The following FAM107B variants were observed in gnomAD, a reference collection of about 807,000 sequenced individuals.
The protein encoded by FAM107B is family with sequence similarity 107 member B, also known as protein FAM107B.
Under a neutral mutation model 31.5 loss-of-function variants are expected in FAM107B, and 21 were observed. The observed-to-expected ratio is 0.67, with a 90% confidence interval of 0.47 to 0.96. The LOEUF is 0.96. Ranked by LOEUF, FAM107B falls within the 40% of genes least tolerant of loss-of-function variation. The pLI is 0.00. For synonymous variants in FAM107B, 157 were observed against 141.5 expected, an observed-to-expected ratio of 1.11 and a Z score of -0.78; for missense variants, 452 against 377.1, an observed-to-expected ratio of 1.20 and a Z score of -1.64.
At chr10:14,528,652 C>T (rs987133880) in intron 3 of FAM107B, among the ~76,000 whole-genome samples, 1 of 152,082 alleles carries the variant, frequency 6.6e-6, no homozygotes, top group African/African-American at 2.4e-5. Flanking sequence ...CCTCTCTACA[C>T]CATAGTACTT....
chr10:14,637,919 G>C (rs1853543527), intron 2 of FAM107B, among the ~76,000 whole-genome samples: 1 of 152,124 alleles, frequency 6.6e-6, no homozygotes, highest in South Asian at 2.1e-4. Flanking sequence ...CAGCCTAGCA[G>C]ACACTTTGAT....
intron 3 of FAM107B, among the ~76,000 whole-genome samples, chr10:14,525,719 T>C (rs1846157073): frequency 6.6e-6 from 1 of 152,220 alleles, no homozygotes; most frequent in African/African-American, 2.4e-5. Flanking sequence ...TTAAAAACAA[T>C]GAGGCTCTGA....
intron 2 of FAM107B, among the ~76,000 whole-genome samples, chr10:14,591,730 A>G (rs1396500500): frequency 6.6e-6 from 1 of 152,204 alleles, no homozygotes. Flanking sequence ...ACCTTTTCCT[A>G]AGCTGAGGCA....
At chr10:14,731,299 C>T (rs537585763) in intron 1 of FAM107B, among the ~76,000 whole-genome samples, 21 of 152,292 alleles carry the variant, frequency 1.4e-4, no homozygotes, top group African/African-American at 3.4e-4. Context: ...TGGTGGCTCA[C>T]GCCTGTAATC....
intron 2 of FAM107B, among the ~76,000 whole-genome samples, chr10:14,551,406 A>T (rs1165739408): frequency 6.6e-6 from 1 of 152,124 alleles, no homozygotes; most frequent in Non-Finnish European, 1.5e-5. Context: ...TGGTCTCCCA[A>T]AGTGCTGGGA....
intron 1 of FAM107B, among the ~76,000 whole-genome samples, chr10:14,685,577 G>T (rs567213862): frequency 6.6e-6 from 1 of 152,280 alleles, no homozygotes; most frequent in Non-Finnish European, 1.5e-5. Context: ...CATTAAGGGA[G>T]TGCAGCCTGG....
intron 2 of FAM107B, among the ~76,000 whole-genome samples, chr10:14,554,588 G>A (rs1299233166): frequency 3.3e-5 from 5 of 152,192 alleles, no homozygotes; most frequent in Non-Finnish European, 7.4e-5. Flanking sequence ...GAGGGGCAGG[G>A]TCTCAAACAT....
chr10:14,654,031 T>C (rs984276424), intron 2 of FAM107B: 1 of 152,094 alleles, frequency 6.6e-6, no homozygotes, highest in East Asian at 1.9e-4. Context: ...GTCATAAGCC[T>C]GGCATTTAAA....
intron 1 of FAM107B, among the ~76,000 whole-genome samples, chr10:14,669,367 CAAAAAAAA>C (rs34544529): frequency 2.5e-5 from 3 of 119,262 alleles, no homozygotes; most frequent in South Asian, 3.0e-4. Flanking sequence ...GAGACTCTGT[CAAAAAAAA>C]AAAAAAAAAG....
chr10:14,570,236 GTGTGTGTGTGTGTGTGTGT>G (rs1564577279), intron 2 of FAM107B, among the ~76,000 whole-genome samples: 1 of 91,206 alleles, frequency 1.1e-5, no homozygotes, highest in Non-Finnish European at 2.7e-5. Flanking sequence ...TGTGGTGGGT[GTGTGTGTGTGTGTGTGTGT>G]GTGTGTGTGT....
intron 1 of FAM107B, among the ~76,000 whole-genome samples, chr10:14,755,822 A>G (rs909285179): frequency 6.6e-6 from 1 of 152,088 alleles, no homozygotes; most frequent in Non-Finnish European, 1.5e-5. Context: ...TGCCTTAGAA[A>G]CTTCTTATCT....
chr10:14,537,224 C>T (rs1847709517), intron 2 of FAM107B, among the ~76,000 whole-genome samples: 1 of 152,200 alleles, frequency 6.6e-6, no homozygotes, highest in Non-Finnish European at 1.5e-5. Context: ...TCAAAGCACA[C>T]CCCAAAAGCA....
In FAM107B at chr10:14,520,563, A is replaced by T. The variant is rs1845532597; in HGVS notation, c.*627T>A. The T allele has an allele frequency of 6.6e-6, 1 of 152,234 alleles. No individual in the cohort carries two copies. Among genetic ancestry groups the T allele is most frequent in the Non-Finnish European group, 1.5e-5 (1 of 68,048 alleles). The allele number at this position is 152,234 out of a possible 1,614,324, so 9.4% of individuals were successfully genotyped here. A position where few individuals can be genotyped will look rare whatever the true frequency, so the allele number is the denominator to read the frequency against. Reference sequence around the variant, plus strand: ...AGAGAACCAAAAGGAATGAAAATAAAATCAAGATGGGCTTTTAAACTTCTC... The same window carrying T: ...AGAGAACCAAAAGGAATGAAAATAATATCAAGATGGGCTTTTAAACTTCTC... On this transcript the variant is annotated 3_prime_UTR_variant, in exon 5 of 5. Coordinates refer to ENST00000181796, the MANE Select transcript of FAM107B (RefSeq NM_031453.4).
chr10:14,726,995 G>A (rs1216021734), intron 1 of FAM107B, among the ~76,000 whole-genome samples: 5 of 151,850 alleles, frequency 3.3e-5, no homozygotes, highest in Non-Finnish European at 7.4e-5. Flanking sequence ...CCCATTTGGG[G>A]GTGATGGGAG....
intron 1 of FAM107B, among the ~76,000 whole-genome samples, chr10:14,674,185 T>C (rs946627359): frequency 6.6e-6 from 1 of 152,062 alleles, no homozygotes; most frequent in East Asian, 1.9e-4. Context: ...AGCACATTGG[T>C]CTAGGCAAAG....
At chr10:14,671,887 AAAAAACAAAAAAAAAAC>A (rs1564621032) in intron 1 of FAM107B, among the ~76,000 whole-genome samples, 6 of 148,432 alleles carry the variant, frequency 4.0e-5, no homozygotes, top group Admixed American at 4.0e-4. Flanking sequence ...AAAAAAAACA[AAAAAACAAAAAAAAAAC>A]CCTCTATTTC....
intron 3 of FAM107B, chr10:14,529,686 T>C (rs563801665): frequency 1.3e-5 from 2 of 152,276 alleles, no homozygotes; most frequent in African/African-American, 4.8e-5. Flanking sequence ...CCTAGTCTCC[T>C]GTCCTGCCCA....
intron 1 of FAM107B, among the ~76,000 whole-genome samples, chr10:14,691,237 T>C (rs1158474254): frequency 3.9e-5 from 6 of 152,114 alleles, no homozygotes; most frequent in Non-Finnish European, 7.4e-5. Flanking sequence ...TCAGAAAATA[T>C]GATCTCAGTA....
At chr10:14,773,114 G>GA (rs1564299283) in intron 1 of FAM107B, among the ~76,000 whole-genome samples, 3 of 152,110 alleles carry the variant, frequency 2.0e-5, no homozygotes, top group South Asian at 2.1e-4. Flanking sequence ...AGTGGTGCTA[G>GA]AAAAAAACAT....
Sources: allele counts gnomAD v4.1 joint callset (sites outside exome capture counted in the v4.1 genomes callset), GRCh38; gene constraint gnomAD v4.1.1; transcripts MANE v1.5; gene names NCBI Gene and HGNC (gene_info 2026-07-23, HGNC 2026-07-21).